Variants in VWA2 observed in about 807,000 individuals in gnomAD.
VWA2 encodes the protein von Willebrand factor A domain containing 2, also known as von Willebrand factor A domain-containing protein 2.
Under a neutral mutation model 70.4 loss-of-function variants are expected in VWA2, and 73 were observed. That is an observed-to-expected ratio of 1.04 (90% CI 0.86 to 1.26). The LOEUF is 1.26. Among genes scored for constraint, VWA2 ranks in the 50% most tolerant of loss-of-function variants. VWA2 has a pLI of 0.00. For synonymous variants in VWA2, 407 were observed against 423.3 expected (o/e 0.96, Z 0.47); for missense variants, 1,011 against 998.5 (o/e 1.01, Z -0.17).
chr10:114,263,447 C>T (rs2037489854), intron 5 of VWA2, among the ~76,000 whole-genome samples: 1 of 151,600 alleles, frequency 6.6e-6, no homozygotes, highest in African/African-American at 2.4e-5. Flanking sequence ...CACCATCCTC[C>T]TGCCTCAGCC....
At chr10:114,277,198 T>TC (rs1462020237) in intron 6 of VWA2, among the ~76,000 whole-genome samples, 6 of 143,476 alleles carry the variant, frequency 4.2e-5, no homozygotes, top group Non-Finnish European at 6.0e-5. Flanking sequence ...TTTTTTTTTT[T>TC]CTGGAGACAG....
At chr10:114,254,192 C>A (rs181469134) in intron 3 of VWA2, among the ~76,000 whole-genome samples, 3 of 152,072 alleles carry the variant, frequency 2.0e-5, no homozygotes, top group Non-Finnish European at 4.4e-5. Context: ...CTGCCTCAGC[C>A]TCCCAAATAG....
intron 5 of VWA2, among the ~76,000 whole-genome samples, chr10:114,269,473 C>T (rs1460820744): frequency 2.0e-5 from 3 of 152,040 alleles, no homozygotes; most frequent in African/African-American, 7.2e-5. Context: ...CCCAGCTACT[C>T]GGGAGGCTGA....
chr10:114,254,599 C>A (rs932705450), intron 3 of VWA2, among the ~76,000 whole-genome samples: 2 of 152,182 alleles, frequency 1.3e-5, no homozygotes, highest in East Asian at 3.8e-4. Flanking sequence ...TGTGGTCCCC[C>A]GAGGCCTGGG....
intron 5 of VWA2, among the ~76,000 whole-genome samples, chr10:114,266,148 T>G (rs1416067539): frequency 1.3e-5 from 2 of 151,892 alleles, no homozygotes; most frequent in Admixed American, 1.3e-4. Flanking sequence ...ATACAAAAAA[T>G]TAGCCGGGCG....
At chr10:114,271,655 C>T (rs775039961) in intron 5 of VWA2, among the ~76,000 whole-genome samples, 24 of 147,208 alleles carry the variant, frequency 1.6e-4, no homozygotes, top group Admixed American at 1.1e-3. Flanking sequence ...CAGGTAATGC[C>T]CATGCGTCTT....
At chr10:114,243,929 G>A (rs1178789553) in intron 1 of VWA2, among the ~76,000 whole-genome samples, 3 of 152,224 alleles carry the variant, frequency 2.0e-5, no homozygotes, top group South Asian at 4.1e-4. Context: ...GATCAGGGGC[G>A]TGGAGAGCAT....
chr10:114,269,698 A>T (rs758704894), intron 5 of VWA2, among the ~76,000 whole-genome samples: 5 of 152,210 alleles, frequency 3.3e-5, no homozygotes, highest in Non-Finnish European at 7.3e-5. Context: ...TGAGAAACAG[A>T]AAAGAGTATG....
In VWA2 at chr10:114,284,868, T is replaced by A; in HGVS notation, c.895T>A (p.Cys299Ser). 1 of 1,607,794 alleles carries A rather than the reference T, an allele frequency of 6.2e-7. No individual in the cohort carries two copies. The highest frequency in any genetic ancestry group is 8.5e-7 in the Non-Finnish European group (1 of 1,177,696). ...AATGGGCATCTCTCTGATAGGCCCCTGTGACTCGCAGCCCTGCCAGAATGG... is the reference window on the plus strand; with the variant it reads ...AATGGGCATCTCTCTGATAGGCCCCAGTGACTCGCAGCCCTGCCAGAATGG... ...TCYRTTCPGP[C>S]DSQPCQNGGT... The change falls in exon 10 of 14, where the codon TGT (cysteine) becomes AGT (serine). Residue 299 changes from cysteine to serine, a missense_variant. Coordinates refer to ENST00000392982, the MANE Select transcript of VWA2 (RefSeq NM_001272046.2).
At chr10:114,282,762 G>A (rs906942211) in intron 9 of VWA2, among the ~76,000 whole-genome samples, 191 bp downstream of exon 9, 1 of 152,188 alleles carries the variant, frequency 6.6e-6, no homozygotes, top group South Asian at 2.1e-4. Flanking sequence ...ATTAAGAATG[G>A]AGTGGCGGCT....
intron 5 of VWA2, among the ~76,000 whole-genome samples, chr10:114,269,282 A>G (rs566955359): frequency 6.6e-6 from 1 of 152,254 alleles, no homozygotes; most frequent in East Asian, 1.9e-4. Context: ...GCCCAGACCC[A>G]TTAGAAAATC....
chr10:114,288,449 G>GTTGTCACA (rs2039178641), intron 11 of VWA2, among the ~76,000 whole-genome samples: 1 of 152,252 alleles, frequency 6.6e-6, no homozygotes, highest in Admixed American at 6.5e-5. Context: ...AGGTGAAGAT[G>GTTGTCACA]TTGTCACAAA....
intron 1 of VWA2, among the ~76,000 whole-genome samples, chr10:114,244,195 G>T (rs890100314): frequency 1.3e-5 from 2 of 152,166 alleles, no homozygotes; most frequent in Non-Finnish European, 2.9e-5. Context: ...ATTAGCTGGG[G>T]GAGAAATTGC....
chr10:114,271,931 C>T (rs904761610), intron 5 of VWA2, among the ~76,000 whole-genome samples: 3 of 152,238 alleles, frequency 2.0e-5, no homozygotes, highest in African/African-American at 4.8e-5. Flanking sequence ...GCAACAGGGA[C>T]TGACTCACAA....
intron 2 of VWA2, among the ~76,000 whole-genome samples, chr10:114,253,393 A>T (rs1217228253): frequency 8.3e-6 from 1 of 120,402 alleles, no homozygotes; most frequent in Non-Finnish European, 1.7e-5. Flanking sequence ...CAGACTCTCT[A>T]GAACCCCACT....
In VWA2 at chr10:114,286,022, C is replaced by G; in HGVS notation, c.1081C>G (p.Arg361Gly). Residue 361 changes from arginine to glycine, a missense_variant, in exon 11 of 14, where the codon CGG (arginine) becomes GGG (glycine). Coordinates refer to ENST00000392982, the MANE Select transcript of VWA2 (RefSeq NM_001272046.2). Reference sequence around the variant, plus strand: ...GGGCACCACTCTGGACGGCTTCCTGCGGGCCAAAGTCTTCGTGAAGCGGTT... The same window carrying G: ...GGGCACCACTCTGGACGGCTTCCTGGGGGCCAAAGTCTTCGTGAAGCGGTT... ...SAGTTLDGFL[R>G]AKVFVKRFVR... 6.2e-7 allele frequency: 1 copy of G among 1,614,080 alleles called. No homozygotes were observed. The highest frequency in any genetic ancestry group is 8.5e-7 in the Non-Finnish European group (1 of 1,180,000).
At chr10:114,271,107 C>T (rs1013683934) in intron 5 of VWA2, among the ~76,000 whole-genome samples, 4 of 152,100 alleles carry the variant, frequency 2.6e-5, no homozygotes, top group African/African-American at 9.7e-5. Context: ...CTTGTAGATC[C>T]CATTTCTTCA....
intron 5 of VWA2, among the ~76,000 whole-genome samples, chr10:114,269,257 G>A (rs1026650035): frequency 1.3e-5 from 2 of 152,166 alleles, no homozygotes; most frequent in African/African-American, 4.8e-5. Flanking sequence ...CAGGCTGATG[G>A]TTGTGAAGAG....
chr10:114,252,491 G>A (rs929594453), intron 2 of VWA2, among the ~76,000 whole-genome samples: 1 of 152,152 alleles, frequency 6.6e-6, no homozygotes, highest in Non-Finnish European at 1.5e-5. Flanking sequence ...GCAGTGCTGA[G>A]TTAGTAGGTT....
Sources: gnomAD v4.1 joint callset for allele counts (sites outside exome capture counted in the v4.1 genomes callset) on GRCh38, gnomAD v4.1.1 for gene constraint, MANE v1.5 for transcripts, NCBI Gene and HGNC (gene_info 2026-07-23, HGNC 2026-07-21) for gene names.